The following UBE2K variants were observed in gnomAD, a reference collection of about 807,000 sequenced individuals.
UBE2K encodes ubiquitin conjugating enzyme E2 K, also known as ubiquitin-conjugating enzyme E2 K.
In UBE2K, 6 loss-of-function variants were observed where a neutral mutation model predicts 30.0. The observed-to-expected ratio is 0.20, with a 90% CI of 0.11 to 0.39. UBE2K has a LOEUF of 0.39. Ranked by LOEUF, UBE2K falls within the 10% of genes least tolerant of loss-of-function variation. The pLI is 1.00. For missense variants in UBE2K, 61 were observed against 241.6 expected (o/e 0.25, Z 4.96); for synonymous variants, 86 against 83.7 (o/e 1.03, Z -0.15).
chr4:39,746,366 A>G (rs998612241), intron 3 of UBE2K, among the ~76,000 whole-genome samples: 1 of 152,150 alleles, frequency 6.6e-6, no homozygotes, highest in Admixed American at 6.5e-5. Context: ...GACCCAACCT[A>G]AACTTATTTT....
Position 39,714,533 on chromosome 4 carries a change from TATATATA to T in UBE2K, c.63+16144_63+16150del, listed in dbSNP as rs1560343658. ...TAGAAGTTTCATATATATATATATA[TATATATA>T]TATATATATATTTTTTTTTTTTTTT... On this transcript the variant is annotated intron_variant, in intron 1 of 6. Transcript: ENST00000261427. 4.2e-4 allele frequency: 14 copies of T among 33,420 alleles called. 1 individual carries two copies. Among genetic ancestry groups the T allele is most frequent in the African/African-American group, 3.2e-3 (13 of 4,100 alleles). The allele number at this position is 33,420 out of a possible 1,614,324, so 2.1% of individuals were successfully genotyped here.
chr4:39,730,165 A>C (rs1719989930), intron 1 of UBE2K, among the ~76,000 whole-genome samples: 1 of 152,170 alleles, frequency 6.6e-6, no homozygotes, highest in African/African-American at 2.4e-5. Flanking sequence ...GATTGAGTAA[A>C]GTTTGACAGA....
chr4:39,735,340 G>GC (rs1284119831), intron 1 of UBE2K, among the ~76,000 whole-genome samples: 1 of 152,166 alleles, frequency 6.6e-6, no homozygotes, highest in Admixed American at 6.6e-5. Flanking sequence ...TTCCCGAGTA[G>GC]CAGGACTACA....
At chr4:39,770,612 G>A in intron 4 of UBE2K, 1 of 1,592,980 alleles carries the variant, frequency 6.3e-7, no homozygotes, top group Non-Finnish European at 8.5e-7. Context: ...TCAACAGCAG[G>A]CTCTCCCCTT....
In UBE2K at chr4:39,698,408, G is replaced by T. The variant is rs751720388; in HGVS notation, c.63+18G>T. The T allele has an allele frequency of 6.2e-6, 10 of 1,604,686 alleles. No homozygotes were observed. The Admixed American group carries it at 8.5e-5, about 14-fold the overall frequency. On this transcript the variant is annotated intron_variant, in intron 1 of 6. Coordinates refer to ENST00000261427, the MANE Select transcript of UBE2K (RefSeq NM_005339.5). ...GCGAGGAGGTCAGAAATGAACTCCCGGATATCCCCCACCTCTGCCTGGGGC... is the reference window on the plus strand; with the variant it reads ...GCGAGGAGGTCAGAAATGAACTCCCTGATATCCCCCACCTCTGCCTGGGGC...
intron 1 of UBE2K, among the ~76,000 whole-genome samples, chr4:39,729,548 ATCT>A (rs1719956664): frequency 6.6e-6 from 1 of 151,992 alleles, no homozygotes; most frequent in Non-Finnish European, 1.5e-5. Context: ...GCCTTAATTC[ATCT>A]TCTTTTCATT....
rs1444921237 is a variant in UBE2K, at chr4:39,745,680, G to T, written c.158-72G>T. 5 of 988,088 alleles carry T rather than the reference G, an allele frequency of 5.1e-6. No individual in the cohort carries two copies. In the South Asian group the frequency reaches 6.0e-5, roughly 12 times the overall value. The allele number at this position is 988,088 out of a possible 1,614,324, so 61.2% of individuals were successfully genotyped here. On this transcript the variant is annotated intron_variant, in intron 2 of 6. Transcript: ENST00000261427. ...GAATATAAAATAGCTGCTCTGAAAAGCTCATCAGTATATTTGTCTTATATA... is the reference window on the plus strand; with the variant it reads ...GAATATAAAATAGCTGCTCTGAAAATCTCATCAGTATATTTGTCTTATATA...
Position 39,703,554 on chromosome 4 carries a change from A to G in UBE2K, c.63+5164A>G, listed in dbSNP as rs146199348. Among the ~76,000 whole-genome samples the G allele has an allele frequency of 4.6e-5, 7 of 152,106 alleles. No homozygotes were observed. In the East Asian group the frequency reaches 7.7e-4, roughly 17 times the overall value. ...TGATTCCTGGCTATTTATTAACTAT[A>G]TAAGAAGAACACAGCCAGGCGTGGT... On this transcript the variant is annotated intron_variant, in intron 1 of 6. Transcript: ENST00000261427.
chr4:39,706,346 T>C (rs1370434029), intron 1 of UBE2K, among the ~76,000 whole-genome samples: 2 of 151,820 alleles, frequency 1.3e-5, no homozygotes, highest in African/African-American at 4.8e-5. Context: ...GTAGTTTTAG[T>C]AGAGACAGGG....
chr4:39,749,672 C>G (rs1011909073), intron 3 of UBE2K, among the ~76,000 whole-genome samples: 1 of 151,250 alleles, frequency 6.6e-6, no homozygotes. Flanking sequence ...GAGTAAGACT[C>G]TGTCTCAAAA....
chr4:39,737,449 T>G lies in UBE2K; in HGVS notation c.93T>G (p.Leu31=), dbSNP rs751841650. Residue 31 remains leucine, a synonymous_variant, in exon 2 of 7, where the codon CTT becomes CTG. Coordinates refer to ENST00000261427, the MANE Select transcript of UBE2K (RefSeq NM_005339.5). Reference sequence around the variant, plus strand: ...GCAAAAATCAAATTAAAGTAGATCTTGTAGATGAGAATTTTACAGAATTAA... The same window carrying G: ...GCAAAAATCAAATTAAAGTAGATCTGGTAGATGAGAATTTTACAGAATTAA... ...ETSKNQIKVD[L]VDENFTELRG... is the part of the protein sequence containing the mutation. The G allele has an allele frequency of 6.4e-7, 1 of 1,572,746 alleles. No homozygotes were observed. Among genetic ancestry groups the G allele is most frequent in the Non-Finnish European group, 8.6e-7 (1 of 1,166,830 alleles).
At chr4:39,723,859 G>A (rs1301297988) in intron 1 of UBE2K, among the ~76,000 whole-genome samples, 2 of 151,918 alleles carry the variant, frequency 1.3e-5, no homozygotes, top group Non-Finnish European at 2.9e-5. Flanking sequence ...GTTGCGCAGG[G>A]TGGAGTGCAA....
Position 39,712,368 on chromosome 4 carries a change from ATTTTTTTTTT to A in UBE2K, c.63+13996_63+14005del, listed in dbSNP as rs60301036. ...AGGCACCCGCCACTGCGCCCGGCCA[ATTTTTTTTTT>A]TTTTTTTTTTTTTTTTTCAGTAGAG... On this transcript the variant is annotated intron_variant, in intron 1 of 6. Coordinates refer to ENST00000261427, the MANE Select transcript of UBE2K (RefSeq NM_005339.5). 9.3e-5 allele frequency among the ~76,000 whole-genome samples: 5 copies of A among 53,634 alleles called. 1 individual carries two copies. The highest frequency in any genetic ancestry group is 3.2e-4 in the African/African-American group (4 of 12,314). 35.2% of individuals were successfully genotyped at this position (53,634 alleles called of 152,430 possible).
intron 1 of UBE2K, among the ~76,000 whole-genome samples, chr4:39,717,144 C>G (rs80238152): frequency 2.3e-3 from 353 of 152,122 alleles, no homozygotes; most frequent in African/African-American, 8.0e-3. Flanking sequence ...TTCACAGAGC[C>G]AAGACCCTGT....
chr4:39,755,843 G>A, intron 4 of UBE2K, 104 bp downstream of exon 4: 1 of 749,646 alleles, frequency 1.3e-6, no homozygotes, highest in South Asian at 1.7e-5. Flanking sequence ...ACTTTATCTT[G>A]TTTGGGCAGT....
At chr4:39,761,674 T>G (rs1711955100) in intron 4 of UBE2K, among the ~76,000 whole-genome samples, 2 of 152,204 alleles carry the variant, frequency 1.3e-5, no homozygotes, top group Non-Finnish European at 2.9e-5. Flanking sequence ...TTAAGTTGAT[T>G]GTATATACTG....
intron 4 of UBE2K, among the ~76,000 whole-genome samples, chr4:39,772,444 G>T (rs1314162378): frequency 6.6e-6 from 1 of 150,994 alleles, no homozygotes; most frequent in Non-Finnish European, 1.5e-5. Context: ...GCGTGGTGGT[G>T]TGCACCTGTA....
At chr4:39,705,856 AT>A (rs1180351756) in intron 1 of UBE2K, among the ~76,000 whole-genome samples, 29 of 131,224 alleles carry the variant, frequency 2.2e-4, no homozygotes, top group East Asian at 1.7e-3. Flanking sequence ...CGCCCAGCTA[AT>A]TTTTTTTTTT....
intron 4 of UBE2K, among the ~76,000 whole-genome samples, chr4:39,758,547 G>T (rs191345222): frequency 2.0e-4 from 30 of 152,262 alleles, no homozygotes; most frequent in Admixed American, 1.8e-3. Flanking sequence ...GCATGGTGGT[G>T]CATACCTGTA....
Sources: allele counts gnomAD v4.1 joint callset (sites outside exome capture counted in the v4.1 genomes callset), GRCh38; gene constraint gnomAD v4.1.1; transcripts MANE v1.5; gene names NCBI Gene and HGNC (gene_info 2026-07-23, HGNC 2026-07-21).